LINS1: variants seen among roughly 807,000 people sequenced by gnomAD.
The protein encoded by LINS1 is protein Lines homolog 1.
In LINS1, 27 loss-of-function variants were observed where a neutral mutation model predicts 41.6. The observed-to-expected ratio is 0.65, with a 90% CI of 0.48 to 0.89. The LOEUF (loss-of-function observed/expected upper bound fraction) is 0.89, where lower values mean the gene tolerates loss of function less well. LINS1 is among the 40% of genes least tolerant of loss of function. The pLI, the probability that LINS1 is intolerant of heterozygous loss-of-function variation, is 0.00. For missense variants in LINS1, 955 were observed against 884.1 expected (o/e 1.08, Z -1.02); for synonymous variants, 336 against 312.9 (o/e 1.07, Z -0.78).
At position 100,573,995 on chromosome 15, in the gene LINS1, G is replaced by C; in HGVS notation, c.878C>G (p.Ala293Gly). The C allele has an allele frequency of 6.2e-7, 1 of 1,614,122 alleles. No individual in the cohort carries two copies. Among genetic ancestry groups the C allele is most frequent in the Non-Finnish European group, 8.5e-7 (1 of 1,180,006 alleles). ...MLEVITWPIQ[A>G]FVKRKVIIFL... Reference sequence around the variant, plus strand: ...TATGATGACCTTCCTTTTAACAAAAGCCTGAATAGGCCAGGTAATAACTTC... The same window carrying C: ...TATGATGACCTTCCTTTTAACAAAACCCTGAATAGGCCAGGTAATAACTTC... The change falls in exon 5 of 7, where the codon GCT becomes GGT. Residue 293 changes from alanine (A) to glycine (G), a missense_variant. Physicochemically the swap from Ala to Gly is moderately conservative, Grantham distance 60. Transcript: ENST00000314742.
chr15:100,588,880 T>C (rs948466091), intron 1 of LINS1, among the ~76,000 whole-genome samples: 2 of 152,232 alleles, frequency 1.3e-5, no homozygotes, highest in Non-Finnish European at 2.9e-5. Context: ...AAAGAATTTA[T>C]GCAAGAAATG....
At chr15:100,574,937 C>A in intron 4 of LINS1, 50 bp downstream of exon 4, 1 of 1,575,306 alleles carries the variant, frequency 6.3e-7, no homozygotes, top group East Asian at 2.2e-5. Flanking sequence ...ATAAATGCAA[C>A]GCTCCCAGGA....
rs546573308 is a variant in LINS1 at position 100,593,712 on chromosome 15, C to T, written c.-104+8409G>A. Reference sequence around the variant, plus strand: ...TCCTTCACCACTCCACCAAAGCACTCTTCAAACTTCCATTGGTGCTCCAAA... The same window carrying T: ...TCCTTCACCACTCCACCAAAGCACTTTTCAAACTTCCATTGGTGCTCCAAA... On this transcript the variant is annotated intron_variant, in intron 1 of 6. Coordinates refer to ENST00000314742, the MANE Select transcript of LINS1 (RefSeq NM_001040616.3). 9.7e-4 allele frequency among the ~76,000 whole-genome samples: 148 copies of T among 152,296 alleles called. 1 individual carries two copies. Among genetic ancestry groups the T allele is most frequent in the Middle Eastern group, 3.4e-3 (1 of 294 alleles).
chr15:100,599,193 T>C (rs1409939524), intron 1 of LINS1, among the ~76,000 whole-genome samples: 1 of 152,272 alleles, frequency 6.6e-6, no homozygotes, highest in Non-Finnish European at 1.5e-5. Flanking sequence ...GTGAGTTTTA[T>C]ATTATTAACT....
chr15:100,597,266 CTTT>C (rs377527268), intron 1 of LINS1, among the ~76,000 whole-genome samples: 1 of 142,954 alleles, frequency 7.0e-6, no homozygotes, highest in East Asian at 2.0e-4. Context: ...AAAGGCAAAT[CTTT>C]TTTTTTTTTT....
intron 5 of LINS1, 57 bp from the exon 6 acceptor site, chr15:100,572,122 T>C: frequency 6.2e-7 from 1 of 1,601,742 alleles, no homozygotes; most frequent in South Asian, 1.1e-5. Flanking sequence ...AATGAATATC[T>C]TGCCTATATA....
chr15:100,579,531 G>A (rs927616131), intron 3 of LINS1, among the ~76,000 whole-genome samples: 1 of 151,338 alleles, frequency 6.6e-6, no homozygotes, highest in Non-Finnish European at 1.5e-5. Context: ...TCTAAGTAGT[G>A]AATTTTTCAT....
intron 1 of LINS1, among the ~76,000 whole-genome samples, chr15:100,600,509 C>G (rs117917190): frequency 9.1e-6 from 1 of 109,316 alleles, no homozygotes; most frequent in Non-Finnish European, 1.7e-5. Context: ...AATAAAATAC[C>G]GCTTTTATTT....
Position 100,573,915 on chromosome 15 carries a change from CA to C in LINS1, c.957del (p.Val320CysfsTer4). On this transcript the variant is annotated frameshift_variant, in exon 5 of 7. Coordinates refer to ENST00000314742, the MANE Select transcript of LINS1 (RefSeq NM_001040616.3). LOFTEE classifies it high-confidence loss of function. ...TGGTCTGGCGGCATTAAGGCAGGCA[CA>C]GATCCACGACAGAGGTCTTCACCCA... is the stretch of plus-strand genomic sequence containing the variant. ...CKVGEDLCRG[S>X]VPALMPPDHH... The C allele has an allele frequency of 6.2e-7, 1 of 1,614,222 alleles. No homozygotes were observed. Among genetic ancestry groups the C allele is most frequent in the Non-Finnish European group, 8.5e-7 (1 of 1,180,046 alleles).
chr15:100,567,997 A>G lies in LINS1; in HGVS notation c.*1241T>C, dbSNP rs1327267661. On this transcript the variant is annotated 3_prime_UTR_variant, in exon 7 of 7. Coordinates refer to ENST00000314742, the MANE Select transcript of LINS1 (RefSeq NM_001040616.3). Reference sequence around the variant, plus strand: ...ATCATTAAAAAAAAATGTACAGGCAATATTTTAGACTGCCTTAATGCCAGA... The same window carrying G: ...ATCATTAAAAAAAAATGTACAGGCAGTATTTTAGACTGCCTTAATGCCAGA... The G allele has an allele frequency of 6.6e-6, 1 of 152,210 alleles. No homozygotes were observed. Among genetic ancestry groups the G allele is most frequent in the Non-Finnish European group, 1.5e-5 (1 of 68,044 alleles). The allele number at this position is 152,210 out of a possible 1,614,324, so 9.4% of individuals were successfully genotyped here. A position where few individuals can be genotyped will look rare whatever the true frequency, so the allele number is the denominator to read the frequency against.
chr15:100,593,681 C>G (rs924823623), intron 1 of LINS1, among the ~76,000 whole-genome samples: 7 of 152,196 alleles, frequency 4.6e-5, no homozygotes, highest in Admixed American at 6.5e-5. Flanking sequence ...AATATCAGAG[C>G]CTGTGTCCTT....
intron 1 of LINS1, among the ~76,000 whole-genome samples, chr15:100,593,876 G>T (rs2039139257): frequency 6.6e-6 from 1 of 152,186 alleles, no homozygotes; most frequent in Non-Finnish European, 1.5e-5. Context: ...CAATTACTAT[G>T]CAATTTCCCA....
chr15:100,569,208 A>G lies in LINS1; in HGVS notation c.*30T>C. On this transcript the variant is annotated 3_prime_UTR_variant, in exon 7 of 7. Transcript: ENST00000314742. ...GAGACATAATTTATATTAAGGAAAA[A>G]CAATACCTGGAAAATAAAATGTCAA... 4.1e-6 allele frequency: 6 copies of G among 1,469,090 alleles called. No individual in the cohort carries two copies. The highest frequency in any genetic ancestry group is 5.7e-6 in the Non-Finnish European group (6 of 1,051,018). The allele number at this position is 1,469,090 out of a possible 1,614,324, so 91.0% of individuals were successfully genotyped here.
chr15:100,584,820 AG>A (rs1409491952), intron 1 of LINS1, among the ~76,000 whole-genome samples: 6 of 152,234 alleles, frequency 3.9e-5, no homozygotes, highest in Non-Finnish European at 8.8e-5. Flanking sequence ...TGCAAGCCCC[AG>A]GATGTTCCAC....
At chr15:100,570,233 A>G (rs1596874542) in intron 6 of LINS1, 116 bp from the exon 7 acceptor site, 8 of 830,752 alleles carry the variant, frequency 9.6e-6, no homozygotes, top group East Asian at 5.4e-5. Flanking sequence ...AAATCTATGC[A>G]TCACTTCTTA....
chr15:100,597,787 A>G (rs1567103650), intron 1 of LINS1, among the ~76,000 whole-genome samples: 2 of 152,206 alleles, frequency 1.3e-5, no homozygotes, highest in African/African-American at 2.4e-5. Context: ...GGAACTGTCT[A>G]TAGATGTGAT....
At chr15:100,577,873 A>G (rs1596908784) in intron 3 of LINS1, among the ~76,000 whole-genome samples, 2 of 152,214 alleles carry the variant, frequency 1.3e-5, no homozygotes, top group East Asian at 3.8e-4. Flanking sequence ...AATGCCACAC[A>G]TCTACAACCA....
At chr15:100,594,834 G>A (rs181213070) in intron 1 of LINS1, among the ~76,000 whole-genome samples, 266 of 152,260 alleles carry the variant, frequency 1.7e-3, no homozygotes, top group Non-Finnish European at 2.5e-3. Flanking sequence ...GGGGTTGGTT[G>A]AATCCAGGGG....
rs563894132 is a variant in LINS1, at chr15:100,596,096, G to A, written c.-104+6025C>T. ...AGACTCCAGGAGATTTGGAGTGGGAGGGGCGGAAGGCAGGCTGGACTTTCA... is the reference window on the plus strand; with the variant it reads ...AGACTCCAGGAGATTTGGAGTGGGAAGGGCGGAAGGCAGGCTGGACTTTCA... On this transcript the variant is annotated intron_variant, in intron 1 of 6. Transcript: ENST00000314742. Among the ~76,000 whole-genome samples, 4 of 152,344 alleles carry A rather than the reference G, an allele frequency of 2.6e-5. No homozygotes were observed. In the East Asian group the frequency reaches 7.7e-4, roughly 29 times the overall value.
Sources: allele counts gnomAD v4.1 joint callset (sites outside exome capture counted in the v4.1 genomes callset), GRCh38; gene constraint gnomAD v4.1.1; transcripts MANE v1.5; gene names NCBI Gene and HGNC (gene_info 2026-07-23, HGNC 2026-07-21).